ZBTB20: variants seen among roughly 807,000 people sequenced by gnomAD.
ZBTB20 encodes the protein zinc finger and BTB domain-containing protein 20.
In ZBTB20, 9 loss-of-function variants were observed where a neutral mutation model predicts 56.9. The ratio of observed to expected loss-of-function variants is 0.16; its 90% CI spans 0.10 to 0.28. ZBTB20 has a LOEUF of 0.28. ZBTB20 is among the 10% of genes least tolerant of loss of function. The pLI, the probability that ZBTB20 is intolerant of heterozygous loss-of-function variation, is 1.00. For synonymous variants in ZBTB20, 417 were observed against 420.7 expected, an observed-to-expected ratio of 0.99 and a Z score of 0.11; for missense variants, 655 against 1,003.0, an observed-to-expected ratio of 0.65 and a Z score of 4.69.
chr3:114,583,995 C>T (rs2054916690), intron 6 of ZBTB20, among the ~76,000 whole-genome samples: 1 of 152,178 alleles, frequency 6.6e-6, no homozygotes, highest in Non-Finnish European at 1.5e-5. Context: ...CATACATTCA[C>T]ATTTCTAAAG....
intron 7 of ZBTB20, among the ~76,000 whole-genome samples, chr3:114,482,081 A>AG (rs533020855): frequency 4.0e-4 from 61 of 152,286 alleles, no homozygotes; most frequent in African/African-American, 1.4e-3. Flanking sequence ...ATGTCTTTGC[A>AG]GGGGGGTGTC....
chr3:114,353,846 A>G (rs1364394640), intron 10 of ZBTB20, among the ~76,000 whole-genome samples: 1 of 152,220 alleles, frequency 6.6e-6, no homozygotes, highest in East Asian at 1.9e-4. Context: ...ACAGATGAGG[A>G]AACTGAGGCC....
At chr3:114,468,208 A>C (rs1431742321) in intron 7 of ZBTB20, among the ~76,000 whole-genome samples, 7 of 152,244 alleles carry the variant, frequency 4.6e-5, no homozygotes, top group Non-Finnish European at 1.0e-4. Context: ...ACTTTTCTCA[A>C]GTATTTAAAA....
At chr3:115,125,618 T>C (rs2084309426) in intron 1 of ZBTB20, among the ~76,000 whole-genome samples, 1 of 152,136 alleles carries the variant, frequency 6.6e-6, no homozygotes, top group African/African-American at 2.4e-5. Flanking sequence ...AAATTTCAGT[T>C]ATACAGAATG....
At chr3:114,879,057 A>T (rs2076301954) in intron 4 of ZBTB20, among the ~76,000 whole-genome samples, 1 of 152,186 alleles carries the variant, frequency 6.6e-6, no homozygotes, top group South Asian at 2.1e-4. Context: ...ATTTCCTTGG[A>T]CATATATTTA....
At chr3:114,832,516 C>G (rs2073905330) in intron 4 of ZBTB20, among the ~76,000 whole-genome samples, 1 of 151,922 alleles carries the variant, frequency 6.6e-6, no homozygotes, top group Non-Finnish European at 1.5e-5. Flanking sequence ...CACAAGGGAA[C>G]AAGGGGACAG....
chr3:114,844,538 A>AAAAAAAAC (rs2074576972), intron 4 of ZBTB20, among the ~76,000 whole-genome samples: 2 of 137,834 alleles, frequency 1.5e-5, no homozygotes, highest in Non-Finnish European at 3.2e-5. Context: ...AAAAAAAAAA[A>AAAAAAAAC]AAAAAAAAAA....
At chr3:114,748,651 C>T (rs1430498462) in intron 5 of ZBTB20, among the ~76,000 whole-genome samples, 1 of 152,036 alleles carries the variant, frequency 6.6e-6, no homozygotes, top group African/African-American at 2.4e-5. Context: ...GAAAGCCAGG[C>T]TTGGGCACTT....
intron 10 of ZBTB20, among the ~76,000 whole-genome samples, chr3:114,360,537 A>G (rs1288557939): frequency 1.3e-5 from 2 of 149,192 alleles, no homozygotes; most frequent in East Asian, 3.9e-4. Context: ...TATTTTTAGT[A>G]GAGACGGTTT....
chr3:114,931,470 A>G (rs2076360386), intron 3 of ZBTB20: 1 of 172,764 alleles, frequency 5.8e-6, no homozygotes, highest in Non-Finnish European at 1.3e-5. Flanking sequence ...CCGGTTTACC[A>G]TCTCCACCAT....
chr3:114,863,850 A>G (rs888948306), intron 4 of ZBTB20, among the ~76,000 whole-genome samples: 12 of 152,012 alleles, frequency 7.9e-5, no homozygotes, highest in African/African-American at 2.9e-4. Context: ...AGAAAACCAA[A>G]GAGGCCAAGG....
At position 114,351,790 on chromosome 3, in the gene ZBTB20, C is replaced by T. The variant is rs758967196; in HGVS notation, c.288G>A (p.Glu96=). Residue 96 remains glutamate (E), a synonymous_variant, in exon 11 of 12, where the codon GAG becomes GAA. Coordinates refer to ENST00000675478, the MANE Select transcript of ZBTB20 (RefSeq NM_001348800.3). ...CACAGAAGTGGCCACGGTTGCGCTG[C>T]TCGTTGAGGGTCTCGAGCACGGAAT... The part of the protein sequence containing the change: ...FSNSVLETLN[E]QRNRGHFCDV... The T allele has an allele frequency of 6.2e-7, 1 of 1,609,754 alleles. No homozygotes were observed. Among genetic ancestry groups the T allele is most frequent in the East Asian group, 2.2e-5 (1 of 44,746 alleles).
chr3:115,014,483 TTA>T (rs983216433), intron 2 of ZBTB20, among the ~76,000 whole-genome samples: 2 of 151,738 alleles, frequency 1.3e-5, no homozygotes, highest in African/African-American at 4.8e-5. Context: ...CCATTTACTC[TTA>T]TGTGATTATT....
chr3:114,694,010 T>A (rs2062847597), intron 5 of ZBTB20, among the ~76,000 whole-genome samples: 1 of 152,158 alleles, frequency 6.6e-6, no homozygotes, highest in South Asian at 2.1e-4. Context: ...GGTTTCTCTT[T>A]GTTTTTAGTT....
At position 114,744,855 on chromosome 3, in the gene ZBTB20, T is replaced by A. The variant is rs548223362; in HGVS notation, c.-342-51280A>T. Reference sequence around the variant, plus strand: ...AAGGCATTATATAGAAAAACACCCATCTGTCCTAGTGCAATGGTGAATGTG... The same window carrying A: ...AAGGCATTATATAGAAAAACACCCAACTGTCCTAGTGCAATGGTGAATGTG... On this transcript the variant is annotated intron_variant, in intron 5 of 11. Coordinates refer to ENST00000675478, the MANE Select transcript of ZBTB20 (RefSeq NM_001348800.3). Among the ~76,000 whole-genome samples the A allele has an allele frequency of 3.9e-5, 6 of 152,112 alleles. No homozygotes were observed. The East Asian group carries it at 1.2e-3, about 29-fold the overall frequency.
chr3:114,979,304 C>T (rs1290611580), intron 2 of ZBTB20, among the ~76,000 whole-genome samples: 1 of 151,906 alleles, frequency 6.6e-6, no homozygotes, highest in Non-Finnish European at 1.5e-5. Flanking sequence ...CAAAATACAC[C>T]ATGAGAACAT....
At chr3:115,126,619 C>A (rs1216819797) in intron 1 of ZBTB20, among the ~76,000 whole-genome samples, 2 of 151,942 alleles carry the variant, frequency 1.3e-5, no homozygotes, top group African/African-American at 4.8e-5. Flanking sequence ...ATACAGCAGG[C>A]TATTAATGAG....
At chr3:114,451,918 C>G (rs1215896305) in intron 7 of ZBTB20, among the ~76,000 whole-genome samples, 1 of 152,054 alleles carries the variant, frequency 6.6e-6, no homozygotes, top group Non-Finnish European at 1.5e-5. Context: ...TCACCTGTCA[C>G]TGTACTCTTG....
intron 3 of ZBTB20, among the ~76,000 whole-genome samples, chr3:114,973,488 CCTCT>C (rs1224634680): frequency 6.6e-6 from 1 of 152,014 alleles, no homozygotes. Context: ...TTGATTTAAA[CCTCT>C]CTGACAGTTT....
Sources: allele counts gnomAD v4.1 joint callset (sites outside exome capture counted in the v4.1 genomes callset), GRCh38; gene constraint gnomAD v4.1.1; transcripts MANE v1.5; gene names NCBI Gene and HGNC (gene_info 2026-07-23, HGNC 2026-07-21).